The following TENM2 variants were observed in gnomAD, a reference collection of about 807,000 sequenced individuals.
The protein encoded by TENM2 is teneurin transmembrane protein 2.
Under a neutral mutation model 245.2 loss-of-function variants are expected in TENM2, and 52 were observed. That is an observed-to-expected ratio of 0.21 (90% CI 0.17 to 0.27). The LOEUF (loss-of-function observed/expected upper bound fraction) is 0.27. Among genes scored for constraint, TENM2 ranks in the 10% least tolerant of loss-of-function variants. The pLI, the probability that TENM2 is intolerant of heterozygous loss-of-function variation, is 1.00. For missense variants in TENM2, 3,046 were observed against 3,666.8 expected (o/e 0.83, Z 4.37); for synonymous variants, 1,363 against 1,438.9 (o/e 0.95, Z 1.19).
At position 167,641,050 on chromosome 5, in the gene TENM2, G is replaced by T. The variant is rs577880456; in HGVS notation, c.503-234936G>T. ...ACCCTAGGAGTCAGCTAAACAATCC[G>T]TGTTTTATCAAGCCCTCCAGGGAAT... On this transcript the variant is annotated intron_variant, in intron 2 of 28. Transcript: ENST00000518659. Among the ~76,000 whole-genome samples the T allele has an allele frequency of 1.6e-3, 248 of 150,932 alleles. 1 individual carries two copies. Among genetic ancestry groups the T allele is most frequent in the Non-Finnish European group, 2.7e-3 (185 of 67,684 alleles).
intron 8 of TENM2, 149 bp downstream of exon 10, chr5:168,090,918 C>T (rs377390722): frequency 1.5e-6 from 1 of 660,266 alleles, no homozygotes; most frequent in Non-Finnish European, 2.6e-6. Context: ...GTGTCACCCA[C>T]CTGAAACTAG....
intron 13 of TENM2, among the ~76,000 whole-genome samples, chr5:168,164,713 G>T (rs773364379): frequency 3.3e-5 from 5 of 152,152 alleles, no homozygotes; most frequent in African/African-American, 1.2e-4. Context: ...GGAATGTTCC[G>T]TAGACTTCAG....
At chr5:168,058,750 A>G (rs201595599) in intron 6 of TENM2, among the ~76,000 whole-genome samples, 2 of 152,348 alleles carry the variant, frequency 1.3e-5, no homozygotes, top group Admixed American at 6.5e-5. Flanking sequence ...TTACTCTGCA[A>G]AGAAAGCCAG....
intron 2 of TENM2, among the ~76,000 whole-genome samples, chr5:167,734,936 C>T (rs1760699444): frequency 6.6e-6 from 1 of 152,174 alleles, no homozygotes; most frequent in South Asian, 2.1e-4. Flanking sequence ...TGGCATCAGG[C>T]TATCTTGCTG....
chr5:167,637,579 A>G (rs541326475), intron 2 of TENM2, among the ~76,000 whole-genome samples: 1 of 152,226 alleles, frequency 6.6e-6, no homozygotes, highest in Non-Finnish European at 1.5e-5. Context: ...CCCAATGCCC[A>G]TCAATGATAG....
At chr5:167,376,847 C>T (rs1331585596) in intron 2 of TENM2, among the ~76,000 whole-genome samples, 3 of 152,006 alleles carry the variant, frequency 2.0e-5, no homozygotes, top group African/African-American at 7.2e-5. Context: ...TACTGGTGTC[C>T]TTTTTCAGCT....
chr5:167,309,926 A>G (rs1210859254), intron 1 of TENM2: 4 of 152,318 alleles, frequency 2.6e-5, no homozygotes, highest in African/African-American at 9.7e-5. Flanking sequence ...GTTTCCTGAG[A>G]TCCAGTTAGG....
chr5:167,815,309 A>G (rs900703215), intron 2 of TENM2, among the ~76,000 whole-genome samples: 1 of 152,170 alleles, frequency 6.6e-6, no homozygotes, highest in Non-Finnish European at 1.5e-5. Context: ...CGATCCCATA[A>G]TATATCTGAG....
intron 2 of TENM2, among the ~76,000 whole-genome samples, chr5:167,590,223 GT>G (rs1175625291): frequency 6.6e-6 from 1 of 151,778 alleles, no homozygotes; most frequent in African/African-American, 2.4e-5. Context: ...ATGAAAATCA[GT>G]TTTGTTTTCA....
chr5:168,036,683 ATATATATATATATATATGTATGTG>A (rs1562081327), intron 5 of TENM2, among the ~76,000 whole-genome samples: 2 of 114,100 alleles, frequency 1.8e-5, no homozygotes, highest in African/African-American at 9.2e-5. Flanking sequence ...ATGTGTATAT[ATATATATATATATATATGTATGTG>A]TATATATATG....
At chr5:167,475,074 C>A (rs1467894783) in intron 2 of TENM2, among the ~76,000 whole-genome samples, 1 of 152,058 alleles carries the variant, frequency 6.6e-6, no homozygotes. Context: ...AAATTGAAAA[C>A]ACAAATATAT....
Position 167,676,277 on chromosome 5 carries a change from T to A in TENM2, c.503-199709T>A, listed in dbSNP as rs76822007. ...ACACAGATTTTTTTTGCTTTGAAAT[T>A]AACTACCTTTATCTCACTCATTAGT... On this transcript the variant is annotated intron_variant, in intron 2 of 28. Coordinates refer to ENST00000518659, the Ensembl canonical transcript of TENM2. Among the ~76,000 whole-genome samples, 68 of 152,184 alleles carry A rather than the reference T, an allele frequency of 4.5e-4. No individual in the cohort carries two copies. The East Asian group carries it at 6.6e-3, about 15-fold the overall frequency.
chr5:167,625,144 C>A (rs922557026), intron 2 of TENM2, among the ~76,000 whole-genome samples: 19 of 152,134 alleles, frequency 1.2e-4, no homozygotes, highest in African/African-American at 4.6e-4. Flanking sequence ...GAGGGCTCAT[C>A]ATCATCAGAT....
chr5:167,971,761 T>C (rs1781811908), intron 4 of TENM2, among the ~76,000 whole-genome samples: 1 of 152,088 alleles, frequency 6.6e-6, no homozygotes, highest in Non-Finnish European at 1.5e-5. Flanking sequence ...CCCTGAGCCC[T>C]GATCATTTAA....
chr5:167,740,981 G>A (rs1761140256), intron 2 of TENM2, among the ~76,000 whole-genome samples: 1 of 152,084 alleles, frequency 6.6e-6, no homozygotes, highest in Admixed American at 6.6e-5. Context: ...CCCTGCAGAT[G>A]TGCCGAGCTC....
At chr5:167,275,837 A>G in the TENM2 span, among the ~76,000 whole-genome samples, 1 of 152,008 alleles carries the variant, frequency 6.6e-6, no homozygotes, top group Non-Finnish European at 1.5e-5. Context: ...TTTCTGATCT[A>G]TATGCTTCTT....
chr5:167,880,093 C>T (rs1464317200), intron 3 of TENM2, among the ~76,000 whole-genome samples: 1 of 152,070 alleles, frequency 6.6e-6, no homozygotes, highest in African/African-American at 2.4e-5. Context: ...GCTGGAGTGG[C>T]GTGATCTTGG....
chr5:167,735,255 G>GA (rs1292719908), intron 2 of TENM2, among the ~76,000 whole-genome samples: 2 of 152,050 alleles, frequency 1.3e-5, no homozygotes, highest in African/African-American at 2.4e-5. Flanking sequence ...ATTTACAGAT[G>GA]AAAAAAACTA....
At chr5:167,849,978 T>C (rs115660265) in intron 2 of TENM2, among the ~76,000 whole-genome samples, 2,313 of 152,202 alleles carry the variant, frequency 0.015, 49 homozygotes, top group African/African-American at 0.053. Flanking sequence ...AAAGGCAGGA[T>C]TGATTGCATC....
Sources: allele counts gnomAD v4.1 joint callset (sites outside exome capture counted in the v4.1 genomes callset), GRCh38; gene constraint gnomAD v4.1.1; transcripts MANE v1.5; gene names NCBI Gene and HGNC (gene_info 2026-07-23, HGNC 2026-07-21).